CSMD1: variants seen among roughly 807,000 people sequenced by gnomAD.
CSMD1 encodes CUB and Sushi multiple domains 1.
CSMD1 carries 213 observed loss-of-function variants against 417.5 expected under a neutral mutation model. The ratio of observed to expected loss-of-function variants is 0.51; its 90% CI spans 0.46 to 0.57. The LOEUF (loss-of-function observed/expected upper bound fraction) is 0.57. Ranked by LOEUF, CSMD1 falls within the 20% of genes least tolerant of loss-of-function variation. CSMD1 has a pLI of 0.00. For missense variants in CSMD1, 6,923 were observed against 4,529.7 expected (o/e 1.53, Z -15.17); for synonymous variants, 2,862 against 1,736.8 (o/e 1.65, Z -16.11).
intron 5 of CSMD1, among the ~76,000 whole-genome samples, chr8:3,756,798 A>ATTTTTTT (rs5888992): frequency 6.7e-6 from 1 of 149,256 alleles, no homozygotes. Flanking sequence ...ACCAGGTGGA[A>ATTTTTTT]TTTTTTTTTT....
intron 1 of CSMD1, among the ~76,000 whole-genome samples, chr8:4,993,399 T>C (rs190069218): frequency 2.0e-5 from 3 of 152,322 alleles, no homozygotes; most frequent in Admixed American, 6.5e-5. Context: ...TCTGTCTCTC[T>C]CCCTCTTTCT....
chr8:3,502,937 A>G (rs1364271851), intron 10 of CSMD1, among the ~76,000 whole-genome samples: 1 of 152,168 alleles, frequency 6.6e-6, no homozygotes, highest in Admixed American at 6.5e-5. Flanking sequence ...CAAACACACC[A>G]TGCTGAAAGC....
At chr8:3,411,178 G>A (rs1026542259) in intron 12 of CSMD1, among the ~76,000 whole-genome samples, 4 of 152,140 alleles carry the variant, frequency 2.6e-5, no homozygotes, top group Admixed American at 6.5e-5. Flanking sequence ...CTGCAACTTT[G>A]GAAGAGCAGA....
intron 2 of CSMD1, among the ~76,000 whole-genome samples, chr8:4,495,040 G>C (rs561095486): frequency 4.6e-5 from 7 of 152,092 alleles, no homozygotes; most frequent in African/African-American, 1.7e-4. Context: ...CTTAGAACGT[G>C]GCAGAAAAGC....
chr8:3,285,986 C>A (rs547981057), intron 25 of CSMD1, among the ~76,000 whole-genome samples: 1 of 152,216 alleles, frequency 6.6e-6, no homozygotes, highest in South Asian at 2.1e-4. Flanking sequence ...CTCCCCACTT[C>A]CCACAACAGG....
intron 17 of CSMD1, among the ~76,000 whole-genome samples, chr8:3,391,495 T>C (rs961731396): frequency 6.6e-6 from 1 of 152,234 alleles, no homozygotes; most frequent in African/African-American, 2.4e-5. Flanking sequence ...GGAGCGAGAA[T>C]GCAATCGCTA....
chr8:2,988,330 C>G (rs1806103633), intron 54 of CSMD1, among the ~76,000 whole-genome samples: 1 of 151,752 alleles, frequency 6.6e-6, no homozygotes, highest in Non-Finnish European at 1.5e-5. Flanking sequence ...TGTCTAAACA[C>G]CCAATCCTAT....
At chr8:4,144,860 G>T (rs1219412897) in intron 3 of CSMD1, among the ~76,000 whole-genome samples, 5 of 151,056 alleles carry the variant, frequency 3.3e-5, no homozygotes, top group African/African-American at 9.9e-5. Flanking sequence ...GGGGAATTGT[G>T]TCCCTGGGAG....
intron 49 of CSMD1, among the ~76,000 whole-genome samples, chr8:3,083,610 T>TTATATATA (rs1554507974): frequency 6.5e-4 from 20 of 30,904 alleles, no homozygotes; most frequent in South Asian, 3.5e-3. Context: ...ACCATAATTT[T>TTATATATA]TATATATATA....
At chr8:3,373,788 T>C (rs944542305) in intron 18 of CSMD1, 2 of 152,150 alleles carry the variant, frequency 1.3e-5, no homozygotes, top group African/African-American at 2.4e-5. Flanking sequence ...TTTCTTGAAT[T>C]TTACTTTTCT....
intron 5 of CSMD1, among the ~76,000 whole-genome samples, chr8:3,905,934 T>G (rs1297570013): frequency 6.6e-6 from 1 of 152,230 alleles, no homozygotes; most frequent in African/African-American, 2.4e-5. Flanking sequence ...TAACCATGTT[T>G]TTGGTGCCCC....
chr8:4,979,186 G>A (rs912734936), intron 1 of CSMD1, among the ~76,000 whole-genome samples: 3 of 152,108 alleles, frequency 2.0e-5, no homozygotes, highest in African/African-American at 4.8e-5. Context: ...TGAACTAGGA[G>A]GACACATCTC....
rs573542124 is a variant in CSMD1, at chr8:4,396,640, C to T, written c.415+23313G>A. On this transcript the variant is annotated intron_variant, in intron 3 of 69. Coordinates refer to ENST00000635120, the MANE Select transcript of CSMD1 (RefSeq NM_033225.6). The stretch of plus-strand genomic sequence containing the variant: ...ATACACACACACACACACACACACA[C>T]ATAAATATCTATATATCTCCCCATA... Among the ~76,000 whole-genome samples, 41 of 150,930 alleles carry T rather than the reference C, an allele frequency of 2.7e-4. No homozygotes were observed. In the South Asian group the frequency reaches 7.9e-3, roughly 29 times the overall value.
intron 68 of CSMD1, among the ~76,000 whole-genome samples, chr8:2,945,897 G>C (rs1405056194): frequency 2.0e-5 from 3 of 152,176 alleles, no homozygotes; most frequent in Non-Finnish European, 4.4e-5. Context: ...CATGTGATAA[G>C]CTAGGTCATT....
At chr8:3,845,435 C>T (rs1803437878) in intron 5 of CSMD1, among the ~76,000 whole-genome samples, 1 of 152,094 alleles carries the variant, frequency 6.6e-6, no homozygotes, top group Non-Finnish European at 1.5e-5. Flanking sequence ...TGTATCTAAG[C>T]ATATCTAACC....
chr8:3,441,964 C>A (rs973336620), intron 12 of CSMD1, among the ~76,000 whole-genome samples: 1 of 151,806 alleles, frequency 6.6e-6, no homozygotes, highest in Non-Finnish European at 1.5e-5. Context: ...CGAAGACTTT[C>A]CAGTGGGACA....
At chr8:4,364,992 T>G (rs777034281) in intron 3 of CSMD1, among the ~76,000 whole-genome samples, 1 of 152,080 alleles carries the variant, frequency 6.6e-6, no homozygotes, top group African/African-American at 2.4e-5. Flanking sequence ...TCGAAAACAT[T>G]TATATTCTAA....
intron 3 of CSMD1, among the ~76,000 whole-genome samples, chr8:4,102,042 A>T (rs1440053374): frequency 6.6e-6 from 1 of 152,214 alleles, no homozygotes; most frequent in Non-Finnish European, 1.5e-5. Flanking sequence ...AGAAATCCCA[A>T]GTCAGTCTTC....
intron 27 of CSMD1, among the ~76,000 whole-genome samples, chr8:3,229,554 C>T (rs1798707833): frequency 6.6e-6 from 1 of 152,098 alleles, no homozygotes; most frequent in Admixed American, 6.6e-5. Context: ...AACAAACCTC[C>T]TTTTATCTTC....
Sources: gnomAD v4.1 joint callset for allele counts (sites outside exome capture counted in the v4.1 genomes callset) on GRCh38, gnomAD v4.1.1 for gene constraint, MANE v1.5 for transcripts, NCBI Gene and HGNC (gene_info 2026-07-23, HGNC 2026-07-21) for gene names.